Variants in KIF26B observed in about 807,000 individuals in gnomAD.
KIF26B encodes kinesin-like protein KIF26B.
In KIF26B, 63 loss-of-function variants were observed where a neutral mutation model predicts 151.2. That is an observed-to-expected ratio of 0.42 (90% CI 0.34 to 0.51). The LOEUF is 0.51. Among genes scored for constraint, KIF26B ranks in the 20% least tolerant of loss-of-function variants. The probability of loss-of-function intolerance (pLI) is 0.07; values close to 1 mark genes in which losing one functional copy is unlikely to be tolerated. For missense variants in KIF26B, 2,813 were observed against 2,913.6 expected, an observed-to-expected ratio of 0.97 and a Z score of 0.79; for synonymous variants, 1,357 against 1,262.1, an observed-to-expected ratio of 1.08 and a Z score of -1.59.
At chr1:245,182,229 C>T (rs1314936638) in intron 2 of KIF26B, among the ~76,000 whole-genome samples, 2 of 152,220 alleles carry the variant, frequency 1.3e-5, no homozygotes, top group Non-Finnish European at 2.9e-5. Context: ...AGTCAGTCTT[C>T]ACCCTACTCC....
chr1:245,650,383 C>G (rs12747209), intron 10 of KIF26B, among the ~76,000 whole-genome samples: 45,876 of 152,218 alleles, frequency 0.3, 8,732 homozygotes, highest in Non-Finnish European at 0.43. Flanking sequence ...CCCAGTGTTG[C>G]ACATCCCACA....
At chr1:245,169,778 A>T (rs1388629216) in intron 2 of KIF26B, among the ~76,000 whole-genome samples, 1 of 152,134 alleles carries the variant, frequency 6.6e-6, no homozygotes, top group Non-Finnish European at 1.5e-5. Flanking sequence ...GCTCATAATT[A>T]TTAGGGATCC....
chr1:245,215,526 G>C (rs979225721), intron 2 of KIF26B, among the ~76,000 whole-genome samples: 1 of 152,132 alleles, frequency 6.6e-6, no homozygotes, highest in Non-Finnish European at 1.5e-5. Flanking sequence ...GCCAGTGGAG[G>C]CTTCTCCTCC....
intron 2 of KIF26B, among the ~76,000 whole-genome samples, chr1:245,282,201 A>G (rs1573750910): frequency 1.3e-5 from 2 of 152,126 alleles, no homozygotes; most frequent in Non-Finnish European, 2.9e-5. Context: ...TGCCATCCCC[A>G]TGAAGCTACC....
At chr1:245,243,759 G>C (rs1423313105) in intron 2 of KIF26B, among the ~76,000 whole-genome samples, 1 of 152,092 alleles carries the variant, frequency 6.6e-6, no homozygotes, top group Admixed American at 6.6e-5. Flanking sequence ...GCTGAGGCAG[G>C]AGAATCGCTT....
At chr1:245,186,579 G>A (rs1023842283) in intron 2 of KIF26B, among the ~76,000 whole-genome samples, 12 of 152,150 alleles carry the variant, frequency 7.9e-5, no homozygotes, top group South Asian at 2.1e-4. Flanking sequence ...AGGTCATGAC[G>A]TCAGTAGTCC....
chr1:245,269,821 C>A (rs1670818607), intron 2 of KIF26B, among the ~76,000 whole-genome samples: 1 of 151,984 alleles, frequency 6.6e-6, no homozygotes, highest in Non-Finnish European at 1.5e-5. Context: ...CTGTATAGAC[C>A]ACATTTTCTT....
At chr1:245,299,323 T>G (rs1404713791) in intron 2 of KIF26B, among the ~76,000 whole-genome samples, 83 of 115,730 alleles carry the variant, frequency 7.2e-4, no homozygotes, top group African/African-American at 3.0e-3. Context: ...ATTCTGGGTT[T>G]TTTTTTTTTT....
intron 2 of KIF26B, among the ~76,000 whole-genome samples, chr1:245,261,368 T>A (rs1365300851): frequency 6.6e-6 from 1 of 152,016 alleles, no homozygotes; most frequent in Non-Finnish European, 1.5e-5. Context: ...CGACCTCAGG[T>A]GATCCGCCCA....
At chr1:245,474,907 C>A (rs528363535) in intron 4 of KIF26B, among the ~76,000 whole-genome samples, 1 of 151,862 alleles carries the variant, frequency 6.6e-6, no homozygotes, top group African/African-American at 2.4e-5. Context: ...GTGCCTGGTT[C>A]ATTTCACTTC....
Position 245,333,503 on chromosome 1 carries a change from CAG to C in KIF26B, c.466-33328_466-33327del, listed in dbSNP as rs1175871047. Among the ~76,000 whole-genome samples the C allele has an allele frequency of 2.0e-5, 3 of 152,270 alleles. 1 individual carries two copies. The highest frequency in any genetic ancestry group is 7.2e-5 in the African/African-American group (3 of 41,554). On this transcript the variant is annotated intron_variant, in intron 2 of 14. Transcript: ENST00000407071. ...TGCGGAGTTTCAGTTTGGGAAGATG[CAG>C]AGCGTTCTGGAGGTGGGCGGTGGTG...
chr1:245,490,171 T>C (rs981109543), intron 4 of KIF26B, among the ~76,000 whole-genome samples: 1 of 152,184 alleles, frequency 6.6e-6, no homozygotes, highest in African/African-American at 2.4e-5. Context: ...GGGAGTGATT[T>C]GTGATGTCTG....
chr1:245,531,868 G>A (rs1168984308), intron 4 of KIF26B, among the ~76,000 whole-genome samples: 2 of 152,190 alleles, frequency 1.3e-5, no homozygotes, highest in Non-Finnish European at 2.9e-5. Context: ...AGGCTGAGAT[G>A]AGAGGATCAC....
intron 5 of KIF26B, among the ~76,000 whole-genome samples, chr1:245,578,944 C>G (rs891285795): frequency 1.3e-5 from 2 of 152,132 alleles, no homozygotes; most frequent in African/African-American, 4.8e-5. Flanking sequence ...AAAACAGGCT[C>G]TAAGAACAGA....
At chr1:245,691,882 T>C (rs971974866) in intron 12 of KIF26B, among the ~76,000 whole-genome samples, 2 of 152,178 alleles carry the variant, frequency 1.3e-5, no homozygotes, top group South Asian at 2.1e-4. Flanking sequence ...GTGTGCAGCA[T>C]TGGGCTTGTT....
intron 4 of KIF26B, among the ~76,000 whole-genome samples, chr1:245,462,523 C>T (rs1458641038): frequency 6.6e-6 from 1 of 152,206 alleles, no homozygotes; most frequent in Admixed American, 6.5e-5. Context: ...GAGCAGGAGA[C>T]AGTGACTGTC....
intron 12 of KIF26B, among the ~76,000 whole-genome samples, chr1:245,695,986 G>A (rs183195360): frequency 1.7e-4 from 26 of 152,256 alleles, no homozygotes; most frequent in East Asian, 5.8e-4. Flanking sequence ...GCCCTGGCAC[G>A]GGTATTGGCA....
At chr1:245,242,690 CG>C (rs1255768062) in intron 2 of KIF26B, among the ~76,000 whole-genome samples, 2 of 152,200 alleles carry the variant, frequency 1.3e-5, no homozygotes, top group Admixed American at 1.3e-4. Flanking sequence ...CTTGCTCTGT[CG>C]CCCAGGCTGG....
chr1:245,575,240 A>T (rs2043107465), intron 5 of KIF26B, among the ~76,000 whole-genome samples: 1 of 151,758 alleles, frequency 6.6e-6, no homozygotes, highest in Non-Finnish European at 1.5e-5. Flanking sequence ...TTTGGGAGGC[A>T]GAGGCGAGTG....
Sources: gnomAD v4.1 joint callset for allele counts (sites outside exome capture counted in the v4.1 genomes callset) on GRCh38, gnomAD v4.1.1 for gene constraint, MANE v1.5 for transcripts, NCBI Gene and HGNC (gene_info 2026-07-23, HGNC 2026-07-21) for gene names.